Variants in OSBPL8 observed in about 807,000 individuals in gnomAD.
OSBPL8 encodes the protein oxysterol binding protein like 8.
In OSBPL8, 59 loss-of-function variants were observed where a neutral mutation model predicts 125.5. The ratio of observed to expected loss-of-function variants is 0.47; its 90% CI spans 0.38 to 0.58. The LOEUF (loss-of-function observed/expected upper bound fraction) is 0.58. OSBPL8 is among the 20% of genes least tolerant of loss of function. The pLI is 0.00. For missense variants in OSBPL8, 758 were observed against 1,047.8 expected (o/e 0.72, Z 3.82); for synonymous variants, 330 against 338.9 (o/e 0.97, Z 0.29).
chr12:76,376,049 T>C (rs1952808070), intron 16 of OSBPL8, among the ~76,000 whole-genome samples: 1 of 152,326 alleles, frequency 6.6e-6, no homozygotes, highest in South Asian at 2.1e-4. Context: ...TATGTACTGA[T>C]TAACTGGCTG....
At chr12:76,356,162 T>TGGGGGGGGGGATTGAGGGGGGG in intron 23 of OSBPL8, 141 bp from the exon 24 acceptor site, 1 of 131,834 alleles carries the variant, frequency 7.6e-6, no homozygotes, top group Non-Finnish European at 1.6e-5. Context: ...TATGTAGGGG[T>TGGGGGGGGGGATTGAGGGGGGG]GGGGGGGGGC....
At chr12:76,390,144 T>C (rs1953497151) in intron 11 of OSBPL8, 2 of 426,776 alleles carry the variant, frequency 4.7e-6, no homozygotes, top group South Asian at 1.2e-4. Flanking sequence ...CCTTGCAACT[T>C]TGCACCTGGC....
At chr12:76,433,698 G>C (rs1456060897) in intron 4 of OSBPL8, among the ~76,000 whole-genome samples, 2 of 151,994 alleles carry the variant, frequency 1.3e-5, no homozygotes, top group Non-Finnish European at 2.9e-5. Flanking sequence ...AAAAAGGCTG[G>C]GTGTGGTGGC....
At chr12:76,460,047 C>A (rs1469355582) in intron 2 of OSBPL8, 152 bp from the exon 3 acceptor site, 14 of 628,526 alleles carry the variant, frequency 2.2e-5, no homozygotes, top group Non-Finnish European at 3.9e-5. Context: ...ATAGTAATAA[C>A]CGTAATAATT....
chr12:76,390,874 A>G (rs1953530400), intron 10 of OSBPL8, among the ~76,000 whole-genome samples: 1 of 152,210 alleles, frequency 6.6e-6, no homozygotes, highest in Non-Finnish European at 1.5e-5. Context: ...AGAGGCATAG[A>G]AAAATTAAAA....
intron 21 of OSBPL8, chr12:76,366,454 G>A (rs751716360): frequency 9.1e-6 from 3 of 330,558 alleles, no homozygotes; most frequent in Non-Finnish European, 1.8e-5. Context: ...CCTAGCTGAT[G>A]GTTTATCGAT....
chr12:76,499,350 C>CATCT (rs1555231511), intron 1 of OSBPL8, among the ~76,000 whole-genome samples: 3,183 of 107,414 alleles, frequency 0.03, 51 homozygotes, highest in African/African-American at 0.045. Flanking sequence ...ATCTATCTAT[C>CATCT]ATCTATCTAT....
At chr12:76,471,137 C>A (rs1439586409) in intron 2 of OSBPL8, among the ~76,000 whole-genome samples, 1 of 152,134 alleles carries the variant, frequency 6.6e-6, no homozygotes, top group Non-Finnish European at 1.5e-5. Flanking sequence ...TGACTTTATG[C>A]AAATTACCCT....
At chr12:76,385,629 G>A (rs528753331) in intron 14 of OSBPL8, among the ~76,000 whole-genome samples, 1 of 152,170 alleles carries the variant, frequency 6.6e-6, no homozygotes, top group East Asian at 1.9e-4. Context: ...TGAAGAATAA[G>A]CGGGTCAGGG....
At chr12:76,387,211 G>A (rs572909726) in intron 12 of OSBPL8, among the ~76,000 whole-genome samples, 1 of 152,276 alleles carries the variant, frequency 6.6e-6, no homozygotes, top group Non-Finnish European at 1.5e-5. Context: ...ATGGAGGGGA[G>A]GACATAGGTT....
At chr12:76,500,691 T>G (rs1365351467) in intron 1 of OSBPL8, among the ~76,000 whole-genome samples, 1 of 152,304 alleles carries the variant, frequency 6.6e-6, no homozygotes, top group South Asian at 2.1e-4. Context: ...AAGGACTACA[T>G]GCTGAAGAAT....
chr12:76,499,146 C>A (rs1879598351), intron 1 of OSBPL8, among the ~76,000 whole-genome samples: 1 of 152,080 alleles, frequency 6.6e-6, no homozygotes, highest in Non-Finnish European at 1.5e-5. Context: ...GCCTAGCCTC[C>A]CAACCTACGT....
intron 1 of OSBPL8, among the ~76,000 whole-genome samples, chr12:76,516,881 A>T (rs12306763): frequency 0.055 from 8,095 of 148,400 alleles, 540 homozygotes; most frequent in African/African-American, 0.16. Context: ...GTGGCGCAGT[A>T]TCGGCTCACC....
At chr12:76,445,521 A>G (rs975636203) in intron 4 of OSBPL8, among the ~76,000 whole-genome samples, 3 of 152,340 alleles carry the variant, frequency 2.0e-5, no homozygotes, top group African/African-American at 2.4e-5. Flanking sequence ...CCTTTAAAAC[A>G]TAATAATACA....
intron 22 of OSBPL8, 28 bp from the exon 23 acceptor site, chr12:76,356,756 A>C: frequency 6.9e-7 from 1 of 1,445,416 alleles, no homozygotes; most frequent in South Asian, 1.2e-5. Context: ...ATGAAGTTGA[A>C]ACTATAAAAA....
chr12:76,371,414 C>G, intron 19 of OSBPL8, 34 bp downstream of exon 19: 2 of 1,547,288 alleles, frequency 1.3e-6, no homozygotes, highest in Non-Finnish European at 1.7e-6. Context: ...ACTCTCTGAT[C>G]CTCATGAAGT....
At chr12:76,498,420 T>C (rs1242274246) in intron 1 of OSBPL8, among the ~76,000 whole-genome samples, 1 of 152,232 alleles carries the variant, frequency 6.6e-6, no homozygotes, top group African/African-American at 2.4e-5. Flanking sequence ...GTAGCAGCCA[T>C]CCACTTTACA....
At position 76,553,307 on chromosome 12, in the gene OSBPL8, T is replaced by C. The variant is rs1950995417; in HGVS notation, c.-68+6090A>G. Among the ~76,000 whole-genome samples the C allele has an allele frequency of 2.0e-5, 3 of 152,154 alleles. No individual in the cohort carries two copies. In the South Asian group the frequency reaches 6.2e-4, roughly 32 times the overall value. On this transcript the variant is annotated intron_variant, in intron 1 of 23. Transcript: ENST00000261183. ...GCATTTGGCAGCCAAAAAGCAAAAA[T>C]TACCTTACTGGTGGTCATCTCAACA...
In OSBPL8 at chr12:76,401,462, G is replaced by C. The variant is rs74103421; in HGVS notation, c.366+1227C>G. On this transcript the variant is annotated intron_variant, in intron 6 of 23. Transcript: ENST00000261183. ...AGCACTTTACTTGTATTGTCATTAC[G>C]TCATTTAATCCTCACAACAACCTTG... is the stretch of plus-strand genomic sequence containing the variant. 2.6e-5 allele frequency among the ~76,000 whole-genome samples: 4 copies of C among 152,104 alleles called. No individual in the cohort carries two copies. The East Asian group carries it at 5.8e-4, about 22-fold the overall frequency.
Sources: gnomAD v4.1 joint callset for allele counts (sites outside exome capture counted in the v4.1 genomes callset) on GRCh38, gnomAD v4.1.1 for gene constraint, MANE v1.5 for transcripts, NCBI Gene and HGNC (gene_info 2026-07-23, HGNC 2026-07-21) for gene names.